The following SUZ12 variants were observed in gnomAD, a reference collection of about 807,000 sequenced individuals.
SUZ12 encodes SUZ12 polycomb repressive complex 2 subunit.
SUZ12 carries 17 observed loss-of-function variants against 87.3 expected under a neutral mutation model. That is an observed-to-expected ratio of 0.19 (90% CI 0.13 to 0.29). SUZ12 has a LOEUF of 0.29. Ranked by LOEUF, SUZ12 falls within the 10% of genes least tolerant of loss-of-function variation. The pLI is 1.00. For missense variants in SUZ12, 526 were observed against 912.2 expected (o/e 0.58, Z 5.45); for synonymous variants, 253 against 312.4 (o/e 0.81, Z 2.01).
chr17:31,964,285 A>C lies in SUZ12; in HGVS notation c.456-1862A>C, dbSNP rs1907949859. On this transcript the variant is annotated intron_variant, in intron 4 of 15. Coordinates refer to ENST00000322652, the MANE Select transcript of SUZ12 (RefSeq NM_015355.4). ...CTTGATCCTCCTGTCTTGGCCTCCC[A>C]AAATGCTGGGATTACAGTTGTGAGC... Among the ~76,000 whole-genome samples the C allele has an allele frequency of 2.0e-5, 3 of 152,082 alleles. No individual in the cohort carries two copies. The South Asian group carries it at 6.2e-4, about 31-fold the overall frequency.
At chr17:31,964,471 A>G (rs867742521) in intron 4 of SUZ12, among the ~76,000 whole-genome samples, 5,233 of 140,874 alleles carry the variant, frequency 0.037, no homozygotes, top group African/African-American at 0.14. Context: ...CAATGGCGCA[A>G]TCTCGGCTCA....
At chr17:31,994,133 A>G in intron 12 of SUZ12, 125 bp downstream of exon 12, 1 of 876,850 alleles carries the variant, frequency 1.1e-6, no homozygotes, top group Non-Finnish European at 1.6e-6. Flanking sequence ...CATTAAGTAC[A>G]AGATAGCATG....
chr17:31,999,007 G>A lies in SUZ12; in HGVS notation c.*4G>A. 1 of 1,527,024 alleles carries A rather than the reference G, an allele frequency of 6.5e-7. No homozygotes were observed. Among genetic ancestry groups the A allele is most frequent in the Non-Finnish European group, 8.7e-7 (1 of 1,143,328 alleles). 94.6% of individuals were successfully genotyped at this position (1,527,024 alleles called of 1,614,324 possible). ...GAGCAAAAAACAAAAACTCTGAAAA[G>A]CTCTAACCCCATGTTATGGACAAAC... On this transcript the variant is annotated 3_prime_UTR_variant, in exon 16 of 16. Transcript: ENST00000322652.
chr17:31,966,318 C>T, intron 5 of SUZ12, 122 bp downstream of exon 5: 1 of 905,742 alleles, frequency 1.1e-6, no homozygotes, highest in Non-Finnish European at 1.7e-6. Context: ...TATGTTGGTT[C>T]TGATGTTTTT....
At chr17:31,984,411 A>T (rs1047054188) in intron 9 of SUZ12, among the ~76,000 whole-genome samples, 5 of 149,654 alleles carry the variant, frequency 3.3e-5, no homozygotes, top group African/African-American at 4.8e-5. Flanking sequence ...ATTCATAAGC[A>T]TGGAAAAAAA....
At chr17:31,994,227 A>C (rs1223876680) in intron 12 of SUZ12, 1 of 473,478 alleles carries the variant, frequency 2.1e-6, no homozygotes, top group Non-Finnish European at 3.7e-6. Context: ...TGAATGATTC[A>C]GAGTTGACAT....
At chr17:31,959,247 C>T (rs570646254) in intron 4 of SUZ12, among the ~76,000 whole-genome samples, 1 of 152,286 alleles carries the variant, frequency 6.6e-6, no homozygotes, top group East Asian at 1.9e-4. Context: ...GAAGGTGCCT[C>T]ATCAGTTGCC....
At chr17:31,976,802 C>T (rs1417578803) in intron 8 of SUZ12, among the ~76,000 whole-genome samples, 188 bp downstream of exon 8, 3 of 151,958 alleles carry the variant, frequency 2.0e-5, no homozygotes, top group African/African-American at 4.8e-5. Flanking sequence ...AGGAACTATT[C>T]GGATAGATAG....
At position 31,957,895 on chromosome 17, in the gene SUZ12, C is replaced by CTTT. The variant is rs1181314058; in HGVS notation, c.456-8229_456-8227dup. On this transcript the variant is annotated intron_variant, in intron 4 of 15. Transcript: ENST00000322652. The stretch of plus-strand genomic sequence containing the variant: ...ACCTGGCCCTGGCTCACCTTTTGTC[C>CTTT]TTTTTTTTTTTTTTTTTTTTTTTTT... Among the ~76,000 whole-genome samples the CTTT allele has an allele frequency of 4.4e-5, 4 of 91,330 alleles. 1 individual carries two copies. The highest frequency in any genetic ancestry group is 9.0e-5 in the Non-Finnish European group (4 of 44,584). 59.9% of individuals were successfully genotyped at this position (91,330 alleles called of 152,430 possible).
At chr17:31,939,121 C>T (rs1490317287) in intron 1 of SUZ12, among the ~76,000 whole-genome samples, 8 of 151,956 alleles carry the variant, frequency 5.3e-5, no homozygotes, top group Non-Finnish European at 1.2e-4. Flanking sequence ...TCATTTTAAG[C>T]GTTAGAAAGA....
chr17:31,984,849 A>G (rs1909317767), intron 9 of SUZ12, among the ~76,000 whole-genome samples: 1 of 152,182 alleles, frequency 6.6e-6, no homozygotes, highest in African/African-American at 2.4e-5. Flanking sequence ...CTCTCAAATA[A>G]TATTTTGATG....
rs140801412 is a variant in SUZ12 at position 31,998,960 on chromosome 17, G to A, written c.2177G>A (p.Ser726Asn). The A allele has an allele frequency of 1.4e-3, 2,297 of 1,595,300 alleles. 7 individuals carry two copies. The highest frequency in any genetic ancestry group is 2.7e-3 in the Middle Eastern group (16 of 5,944). The change falls in exon 16 of 16, where the codon AGT becomes AAT. Residue 726 changes from serine to asparagine, a missense_variant. Coordinates refer to ENST00000322652, the MANE Select transcript of SUZ12 (RefSeq NM_015355.4). The part of the protein sequence containing the change: ...NSKEKALETD[S>N]VSGVSKQSKK... ...AAAGAGAAAGCTTTGGAAACAGATAGTGTCTCAGGGGTTTCAAAACAGAGC... is the reference window on the plus strand; with the variant it reads ...AAAGAGAAAGCTTTGGAAACAGATAATGTCTCAGGGGTTTCAAAACAGAGC...
chr17:31,956,181 G>T (rs537831249), intron 4 of SUZ12, among the ~76,000 whole-genome samples: 237 of 151,476 alleles, frequency 1.6e-3, no homozygotes, highest in African/African-American at 5.4e-3. Flanking sequence ...CCAAAGTGCT[G>T]GGATTACAGG....
At chr17:31,975,963 A>T (rs1266728318) in intron 7 of SUZ12, among the ~76,000 whole-genome samples, 6 of 152,186 alleles carry the variant, frequency 3.9e-5, no homozygotes, top group Admixed American at 3.3e-4. Flanking sequence ...TTGTGTATTT[A>T]TCCCCCTGCC....
intron 6 of SUZ12, among the ~76,000 whole-genome samples, chr17:31,974,537 A>T (rs969370742): frequency 6.6e-6 from 1 of 152,210 alleles, no homozygotes. Flanking sequence ...CTCCATACAC[A>T]TTACAACAAG....
At chr17:31,958,586 G>A (rs1218862705) in intron 4 of SUZ12, among the ~76,000 whole-genome samples, 3 of 151,966 alleles carry the variant, frequency 2.0e-5, no homozygotes, top group African/African-American at 7.3e-5. Flanking sequence ...GGTGGCTCAC[G>A]CCTGTAATCC....
In SUZ12 at chr17:31,975,505, A is replaced by G. The variant is rs1908689691; in HGVS notation, c.615A>G (p.Gln205=). The G allele has an allele frequency of 2.5e-6, 4 of 1,613,478 alleles. No homozygotes were observed. The African/African-American group carries it at 4.0e-5, about 16-fold the overall frequency. Residue 205 remains glutamine (Q), a synonymous_variant, in exon 7 of 16, where the codon CAA becomes CAG. Coordinates refer to ENST00000322652, the MANE Select transcript of SUZ12 (RefSeq NM_015355.4). ...AGGATGTAAGTTGTCCAATAAGGCA[A>G]GTTCCCACAGGTAAAAAGCAGGTGC... ...KRKDVSCPIR[Q]VPTGKKQVPL...
chr17:31,999,564 ATGTAATTTTACATTACAT>A lies in SUZ12; in HGVS notation c.*562_*579del, dbSNP rs1474003198. 1 of 231,090 alleles carries A rather than the reference ATGTAATTTTACATTACAT, an allele frequency of 4.3e-6. No homozygotes were observed. Among genetic ancestry groups the A allele is most frequent in the Non-Finnish European group, 8.6e-6 (1 of 116,798 alleles). The allele number at this position is 231,090 out of a possible 1,614,324, so 14.3% of individuals were successfully genotyped here. ...TGTCAATTCGGAATGAAAAATTATA[ATGTAATTTTACATTACAT>A]AAGTTCCTTTTACAATTAAAAAATA... On this transcript the variant is annotated 3_prime_UTR_variant, in exon 16 of 16. Transcript: ENST00000322652.
intron 3 of SUZ12, among the ~76,000 whole-genome samples, chr17:31,944,808 G>A (rs1016911538): frequency 1.3e-5 from 2 of 152,130 alleles, no homozygotes; most frequent in African/African-American, 4.8e-5. Flanking sequence ...CTGGGTGCAA[G>A]ATTATATTTA....
Sources: gnomAD v4.1 joint callset for allele counts (sites outside exome capture counted in the v4.1 genomes callset) on GRCh38, gnomAD v4.1.1 for gene constraint, MANE v1.5 for transcripts, NCBI Gene and HGNC (gene_info 2026-07-23, HGNC 2026-07-21) for gene names.